Variants in MAD1L1 observed in about 807,000 individuals in gnomAD.
The protein encoded by MAD1L1 is mitotic arrest deficient 1 like 1, also known as mitotic spindle assembly checkpoint protein MAD1.
MAD1L1 carries 95 observed loss-of-function variants against 96.9 expected under a neutral mutation model. The ratio of observed to expected loss-of-function variants is 0.98; its 90% confidence interval spans 0.83 to 1.16. MAD1L1 has a LOEUF of 1.16. MAD1L1 is among the 50% of genes most tolerant of loss of function. MAD1L1 has a pLI of 0.00. For synonymous variants in MAD1L1, 473 were observed against 396.6 expected (o/e 1.19, Z -2.29); for missense variants, 1,007 against 954.4 (o/e 1.06, Z -0.73).
At chr7:2,022,635 A>G (rs893361706) in intron 12 of MAD1L1, among the ~76,000 whole-genome samples, 2 of 152,232 alleles carry the variant, frequency 1.3e-5, no homozygotes, top group Admixed American at 6.5e-5. Flanking sequence ...CAAAGCAGAT[A>G]AAGAAAAGAA....
chr7:1,950,389 A>G (rs1459206868), intron 16 of MAD1L1, among the ~76,000 whole-genome samples: 1 of 152,108 alleles, frequency 6.6e-6, no homozygotes, highest in Non-Finnish European at 1.5e-5. Context: ...CCCTCATGAA[A>G]GCTCCCCTGA....
intron 12 of MAD1L1, among the ~76,000 whole-genome samples, chr7:2,026,258 A>C (rs906964798): frequency 1.3e-5 from 2 of 152,230 alleles, no homozygotes; most frequent in Admixed American, 1.3e-4. Context: ...GGCAAAATTC[A>C]CCAGGAAGAT....
chr7:2,105,304 G>A (rs1787030502), intron 11 of MAD1L1, among the ~76,000 whole-genome samples: 1 of 152,150 alleles, frequency 6.6e-6, no homozygotes, highest in South Asian at 2.1e-4. Context: ...AGCCAGCAGC[G>A]AGGTGGAGTG....
chr7:2,057,641 G>C (rs1223827802), intron 12 of MAD1L1, among the ~76,000 whole-genome samples: 1 of 151,408 alleles, frequency 6.6e-6, no homozygotes, highest in Non-Finnish European at 1.5e-5. Context: ...TATATGCTTT[G>C]TATGCGTTAA....
intron 15 of MAD1L1, among the ~76,000 whole-genome samples, chr7:1,966,546 T>C (rs943771149): frequency 1.3e-4 from 7 of 52,590 alleles, no homozygotes; most frequent in Admixed American, 2.8e-4. Flanking sequence ...ATGGCTGAAA[T>C]ATCCCAAACT....
intron 18 of MAD1L1, among the ~76,000 whole-genome samples, chr7:1,823,181 A>G (rs2128621504): frequency 6.6e-6 from 1 of 152,282 alleles, no homozygotes; most frequent in Admixed American, 6.5e-5. Context: ...TCTTTGCTAC[A>G]GCTGGAGCCG....
chr7:2,070,331 G>T (rs775979715), intron 11 of MAD1L1, among the ~76,000 whole-genome samples: 34 of 152,158 alleles, frequency 2.2e-4, no homozygotes, highest in Non-Finnish European at 7.4e-5. Context: ...ACAGTGAGGC[G>T]CAGAGAGGAG....
intron 16 of MAD1L1, among the ~76,000 whole-genome samples, chr7:1,954,790 C>G (rs967263840): frequency 6.6e-6 from 1 of 152,216 alleles, no homozygotes; most frequent in Non-Finnish European, 1.5e-5. Context: ...GCCAGAAGCC[C>G]GGCCAGCCAC....
intron 17 of MAD1L1, among the ~76,000 whole-genome samples, chr7:1,902,211 G>A (rs1043156787): frequency 6.6e-6 from 1 of 152,184 alleles, no homozygotes; most frequent in Non-Finnish European, 1.5e-5. Flanking sequence ...CTGTGAAGAG[G>A]ACAGAATAAA....
chr7:2,166,020 T>A (rs1790412818), intron 10 of MAD1L1, among the ~76,000 whole-genome samples: 1 of 152,162 alleles, frequency 6.6e-6, no homozygotes, highest in African/African-American at 2.4e-5. Context: ...TTAGAGCTAT[T>A]AGGGTCACTC....
intron 16 of MAD1L1, among the ~76,000 whole-genome samples, chr7:1,954,924 T>C (rs900305663): frequency 1.3e-5 from 2 of 151,898 alleles, no homozygotes; most frequent in Non-Finnish European, 2.9e-5. Context: ...TCGGCCCTAA[T>C]GAGTGTGTGG....
intron 17 of MAD1L1, among the ~76,000 whole-genome samples, chr7:1,918,871 C>T (rs1369122944): frequency 6.6e-6 from 1 of 151,932 alleles, no homozygotes; most frequent in Non-Finnish European, 1.5e-5. Context: ...CCCCAGCCCC[C>T]CTCCCCTCCC....
chr7:2,213,343 A>G (rs1431555635), intron 9 of MAD1L1, 70 bp from the exon 10 acceptor site: 7 of 1,421,192 alleles, frequency 4.9e-6, no homozygotes, highest in Admixed American at 1.7e-5. Context: ...ACTGACAATC[A>G]TGATCACGGT....
At chr7:2,061,205 C>T (rs562190401) in intron 12 of MAD1L1, among the ~76,000 whole-genome samples, 5 of 152,254 alleles carry the variant, frequency 3.3e-5, no homozygotes, top group Admixed American at 2.6e-4. Context: ...GGCGTGCTGG[C>T]GCGTGCCTGT....
intron 10 of MAD1L1, among the ~76,000 whole-genome samples, chr7:2,196,988 A>G (rs925037872): frequency 2.0e-5 from 3 of 152,248 alleles, no homozygotes; most frequent in Admixed American, 2.0e-4. Flanking sequence ...CGCCCTGCGA[A>G]TTCAGTGAGG....
chr7:1,994,242 G>T (rs935627139), intron 14 of MAD1L1, among the ~76,000 whole-genome samples: 2 of 152,232 alleles, frequency 1.3e-5, no homozygotes, highest in African/African-American at 4.8e-5. Context: ...GGCAGCACAG[G>T]GACGATGGTG....
intron 14 of MAD1L1, 37 bp downstream of exon 14, chr7:2,002,028 G>A (rs759815901): frequency 6.2e-7 from 1 of 1,610,308 alleles, no homozygotes; most frequent in African/African-American, 1.3e-5. Flanking sequence ...CAGGGTCCAG[G>A]TGCCCTGAAT....
Position 1,913,966 on chromosome 7 carries a change from G to A in MAD1L1, c.1808-15576C>T, listed in dbSNP as rs562531481. ...GGGAACGCCCCATGTCCTGCTGGACGCCATGCTGGGGGGGGAGAGGGTAGA... is the reference window on the plus strand; with the variant it reads ...GGGAACGCCCCATGTCCTGCTGGACACCATGCTGGGGGGGGAGAGGGTAGA... On this transcript the variant is annotated intron_variant, in intron 17 of 18. Coordinates refer to ENST00000265854, the MANE Select transcript of MAD1L1 (RefSeq NM_001013836.2). Among the ~76,000 whole-genome samples the A allele has an allele frequency of 3.3e-5, 5 of 152,230 alleles. No individual in the cohort carries two copies. The South Asian group carries it at 6.2e-4, about 19-fold the overall frequency.
chr7:2,083,415 G>A (rs950037631), intron 11 of MAD1L1, among the ~76,000 whole-genome samples: 1 of 152,236 alleles, frequency 6.6e-6, no homozygotes, highest in Non-Finnish European at 1.5e-5. Context: ...TTAAAAGGCA[G>A]GGTTAGTGCT....
Sources: allele counts gnomAD v4.1 joint callset (sites outside exome capture counted in the v4.1 genomes callset), GRCh38; gene constraint gnomAD v4.1.1; transcripts MANE v1.5; gene names NCBI Gene and HGNC (gene_info 2026-07-23, HGNC 2026-07-21).